Variants in OXSR1 observed in about 807,000 individuals in gnomAD.
OXSR1 encodes the protein serine/threonine-protein kinase OSR1.
OXSR1 carries 24 observed loss-of-function variants against 79.8 expected under a neutral mutation model. The observed-to-expected ratio is 0.30, with a 90% CI of 0.22 to 0.42. OXSR1 has a LOEUF of 0.42. OXSR1 is among the 10% of genes least tolerant of loss of function. OXSR1 has a pLI of 1.00. For missense variants in OXSR1, 430 were observed against 618.4 expected, an observed-to-expected ratio of 0.70 and a Z score of 3.23; for synonymous variants, 226 against 209.2, an observed-to-expected ratio of 1.08 and a Z score of -0.69.
intron 3 of OXSR1, among the ~76,000 whole-genome samples, chr3:38,194,046 A>G (rs1156517857): frequency 1.3e-5 from 2 of 152,170 alleles, no homozygotes; most frequent in African/African-American, 2.4e-5. Context: ...AACAGGAGGA[A>G]GATGTGTCAG....
Position 38,165,796 on chromosome 3 carries a change from G to GT in OXSR1, c.-79dup. 1 of 1,277,826 alleles carries GT rather than the reference G, an allele frequency of 7.8e-7. No homozygotes were observed. The highest frequency in any genetic ancestry group is 1.1e-6 in the Non-Finnish European group (1 of 901,532). The allele number at this position is 1,277,826 out of a possible 1,614,324, so 79.2% of individuals were successfully genotyped here. A position where few individuals can be genotyped will look rare whatever the true frequency, so the allele number is the denominator to read the frequency against. On this transcript the variant is annotated 5_prime_UTR_variant, in exon 1 of 18. Transcript: ENST00000311806. ...GGGCGCGGCGGCGGCGGCGGCGGCT[G>GT]TTGGGGGTGGGGAGACGCGCGGCGA...
intron 2 of OXSR1, among the ~76,000 whole-genome samples, chr3:38,185,946 CAAAAAAAAAAA>C (rs71085304): frequency 4.1e-4 from 13 of 32,094 alleles, no homozygotes; most frequent in Non-Finnish European, 6.1e-4. Flanking sequence ...GGCCCTGTCT[CAAAAAAAAAAA>C]AAAAAAAAAA....
intron 1 of OXSR1, among the ~76,000 whole-genome samples, chr3:38,170,372 T>C (rs913842696): frequency 1.3e-5 from 2 of 152,224 alleles, no homozygotes; most frequent in Non-Finnish European, 2.9e-5. Flanking sequence ...TGGAGTCTTT[T>C]AAAGTACAAA....
intron 10 of OXSR1, among the ~76,000 whole-genome samples, chr3:38,234,663 A>C (rs894340708): frequency 1.3e-5 from 2 of 152,258 alleles, no homozygotes; most frequent in Admixed American, 1.3e-4. Context: ...TGGTGCAGCC[A>C]CTTTGGAAAG....
chr3:38,212,590 T>C (rs925852554), intron 4 of OXSR1, among the ~76,000 whole-genome samples: 1 of 152,230 alleles, frequency 6.6e-6, no homozygotes. Context: ...CCATAAATGG[T>C]GCCTATTGAT....
At chr3:38,178,621 T>TA (rs1491123706) in intron 1 of OXSR1, among the ~76,000 whole-genome samples, 14,417 of 62,994 alleles carry the variant, frequency 0.23, 460 homozygotes, top group East Asian at 0.3. Context: ...TATATATATA[T>TA]TTTTTTTTTT....
In OXSR1 at chr3:38,230,402, CACCA is replaced by C. The variant is rs1702780754; in HGVS notation, c.928_931del (p.Thr310PhefsTer52). 1 of 1,601,922 alleles carries C rather than the reference CACCA, an allele frequency of 6.2e-7. No individual in the cohort carries two copies. Reference sequence around the variant, plus strand: ...CTTCAAGAAAAAACATTGCAGAGAGCACCAACCATTTCTGAAAGAGCAAAAAAGG... The same window carrying C: ...CTTCAAGAAAAAACATTGCAGAGAGCACCATTTCTGAAAGAGCAAAAAAGG... On this transcript the variant is annotated frameshift_variant, in exon 10 of 18. Transcript: ENST00000311806. LOFTEE classifies it high-confidence loss of function.
chr3:38,166,563 C>T (rs1701463435), intron 1 of OXSR1, among the ~76,000 whole-genome samples: 1 of 152,066 alleles, frequency 6.6e-6, no homozygotes, highest in Non-Finnish European at 1.5e-5. Context: ...GAGGCCGAGG[C>T]GGGCGGATCA....
intron 1 of OXSR1, among the ~76,000 whole-genome samples, chr3:38,179,739 C>G (rs1701745604): frequency 6.6e-6 from 1 of 152,094 alleles, no homozygotes; most frequent in East Asian, 1.9e-4. Context: ...GAAAAGTCAG[C>G]CCTCCATATA....
At chr3:38,194,478 C>T (rs1036143625) in intron 3 of OXSR1, among the ~76,000 whole-genome samples, 3 of 152,214 alleles carry the variant, frequency 2.0e-5, no homozygotes, top group Middle Eastern at 3.4e-3. Context: ...TTTAAGGTTA[C>T]GGCAAGCCAT....
chr3:38,179,047 T>C (rs1425505162), intron 1 of OXSR1, among the ~76,000 whole-genome samples: 23 of 150,022 alleles, frequency 1.5e-4, no homozygotes, highest in African/African-American at 5.4e-4. Context: ...TTTTTTTTTT[T>C]TGAGACAGGG....
intron 1 of OXSR1, among the ~76,000 whole-genome samples, chr3:38,174,399 C>T (rs1033268017): frequency 1.3e-5 from 2 of 151,998 alleles, no homozygotes; most frequent in African/African-American, 4.8e-5. Flanking sequence ...CTGGCCAACA[C>T]GGTGAAACCC....
Position 38,221,632 on chromosome 3 carries a change from T to A in OXSR1, c.545T>A (p.Val182Glu). The change falls in exon 6 of 18, where the codon GTG becomes GAG. Residue 182 changes from valine (V) to glutamate (E), a missense_variant. Transcript: ENST00000311806. ...ATGGDITRNK[V>E]RKTFVGTPCW... ...GGTGGTGATATTACCCGAAATAAAGTGAGAAAGACCTTTGTTGGCACCCCT... is the reference window on the plus strand; with the variant it reads ...GGTGGTGATATTACCCGAAATAAAGAGAGAAAGACCTTTGTTGGCACCCCT... The A allele has an allele frequency of 6.2e-7, 1 of 1,613,534 alleles. No individual in the cohort carries two copies. Among genetic ancestry groups the A allele is most frequent in the East Asian group, 2.2e-5 (1 of 44,860 alleles).
chr3:38,254,286 C>T lies in OXSR1; in HGVS notation c.*1395C>T, dbSNP rs1478934278. On this transcript the variant is annotated 3_prime_UTR_variant, in exon 18 of 18. Transcript: ENST00000311806. ...GAACAAGGTTGTTTTACCTTATTTT[C>T]TCTTGGAACATATCTGAAAACCTTC... 1.0e-5 allele frequency: 4 copies of T among 398,544 alleles called. No individual in the cohort carries two copies. Among genetic ancestry groups the T allele is most frequent in the Non-Finnish European group, 1.8e-5 (4 of 225,848 alleles). 24.7% of individuals were successfully genotyped at this position (398,544 alleles called of 1,614,324 possible).
intron 1 of OXSR1, among the ~76,000 whole-genome samples, chr3:38,168,721 C>T (rs2125798074): frequency 6.6e-6 from 1 of 152,352 alleles, no homozygotes; most frequent in South Asian, 2.1e-4. Context: ...CTTTCTGTCT[C>T]TATAGATTTG....
chr3:38,216,264 A>G (rs574507358), intron 5 of OXSR1, 113 bp downstream of exon 5: 21 of 668,016 alleles, frequency 3.1e-5, no homozygotes, highest in Non-Finnish European at 4.6e-5. Context: ...ATCTCTATTC[A>G]AGCATCCTCT....
At position 38,216,202 on chromosome 3, in the gene OXSR1, T is replaced by C. The variant is rs776454646; in HGVS notation, c.490+51T>C. On this transcript the variant is annotated intron_variant, in intron 5 of 17. Coordinates refer to ENST00000311806, the MANE Select transcript of OXSR1 (RefSeq NM_005109.3). ...TGATTTAATGGTCAGTAGAACCACA[T>C]TACTTATCTTTTATGTTTCCTTAAT... The C allele has an allele frequency of 1.0e-5, 11 of 1,091,912 alleles. No individual in the cohort carries two copies. In the South Asian group the frequency reaches 1.4e-4, roughly 14 times the overall value. 67.6% of individuals were successfully genotyped at this position (1,091,912 alleles called of 1,614,324 possible).
chr3:38,185,342 T>C (rs1032791897), intron 2 of OXSR1, among the ~76,000 whole-genome samples: 5 of 152,166 alleles, frequency 3.3e-5, no homozygotes, highest in African/African-American at 1.2e-4. Flanking sequence ...CCCACCACTT[T>C]GGGAGGCCAA....
chr3:38,227,545 C>CCACACA (rs58097834), intron 8 of OXSR1, among the ~76,000 whole-genome samples: 1,605 of 138,414 alleles, frequency 0.012, 24 homozygotes, highest in African/African-American at 0.03. Context: ...GTATGCACAT[C>CCACACA]CACACACACA....
Sources: gnomAD v4.1 joint callset for allele counts (sites outside exome capture counted in the v4.1 genomes callset) on GRCh38, gnomAD v4.1.1 for gene constraint, MANE v1.5 for transcripts, NCBI Gene and HGNC (gene_info 2026-07-23, HGNC 2026-07-21) for gene names.